Variants in ADGRL3 observed in about 807,000 individuals in gnomAD.
ADGRL3 encodes adhesion G protein-coupled receptor L3, also known as calcium-independent alpha-latrotoxin receptor 3.
Under a neutral mutation model 153.5 loss-of-function variants are expected in ADGRL3, and 62 were observed. That is an observed-to-expected ratio of 0.40 (90% CI 0.33 to 0.50). The LOEUF (loss-of-function observed/expected upper bound fraction) is 0.50, where lower values mean the gene tolerates loss of function less well. Among genes scored for constraint, ADGRL3 ranks in the 20% least tolerant of loss-of-function variants. The pLI is 0.47. For synonymous variants in ADGRL3, 710 were observed against 672.5 expected, an observed-to-expected ratio of 1.06 and a Z score of -0.86; for missense variants, 1,641 against 1,859.4, an observed-to-expected ratio of 0.88 and a Z score of 2.16.
intron 8 of ADGRL3, among the ~76,000 whole-genome samples, chr4:61,770,215 A>G (rs1390025097): frequency 3.3e-5 from 5 of 152,240 alleles, no homozygotes; most frequent in African/African-American, 1.2e-4. Context: ...GTTTACCTAC[A>G]TTTATAGAGG....
intron 1 of ADGRL3, among the ~76,000 whole-genome samples, chr4:61,282,029 A>T (rs2093742082): frequency 6.6e-6 from 1 of 152,144 alleles, no homozygotes; most frequent in East Asian, 1.9e-4. Context: ...TCATTTGGCT[A>T]TCAAGATTCT....
At chr4:61,948,639 A>C (rs1430109851) in intron 17 of ADGRL3, among the ~76,000 whole-genome samples, 1 of 152,242 alleles carries the variant, frequency 6.6e-6, no homozygotes, top group South Asian at 2.1e-4. Context: ...GCGGAAGAAT[A>C]AAGAGCTATG....
rs1299871799 is a variant in ADGRL3 at position 61,257,475 on chromosome 4, G to A, written c.-240+55710G>A. On this transcript the variant is annotated intron_variant, in intron 1 of 26. Transcript: ENST00000683033. ...AATCCTTTGGTAGCAAGTATATGTTGTGTGGGCCAGTGAACCTATTTGTTT... is the reference window on the plus strand; with the variant it reads ...AATCCTTTGGTAGCAAGTATATGTTATGTGGGCCAGTGAACCTATTTGTTT... Among the ~76,000 whole-genome samples, 5 of 152,110 alleles carry A rather than the reference G, an allele frequency of 3.3e-5. No homozygotes were observed. In the East Asian group the frequency reaches 7.7e-4, roughly 23 times the overall value.
At chr4:61,503,504 A>G (rs865945144) in intron 3 of ADGRL3, among the ~76,000 whole-genome samples, 14 of 152,066 alleles carry the variant, frequency 9.2e-5, no homozygotes, top group Middle Eastern at 3.4e-3. Context: ...TTGGATTACT[A>G]TTTACTTTAA....
chr4:61,683,754 C>A (rs2095389443), intron 6 of ADGRL3, among the ~76,000 whole-genome samples: 1 of 152,114 alleles, frequency 6.6e-6, no homozygotes, highest in South Asian at 2.1e-4. Context: ...TTTAAACTGT[C>A]TTTGGCTTGG....
At chr4:61,782,912 T>G (rs2097230935) in intron 8 of ADGRL3, among the ~76,000 whole-genome samples, 2 of 152,106 alleles carry the variant, frequency 1.3e-5, no homozygotes, top group African/African-American at 2.4e-5. Context: ...AATCCATAAT[T>G]GGAAAGAATC....
At chr4:61,478,471 T>A (rs1201674984) in intron 2 of ADGRL3, among the ~76,000 whole-genome samples, 7 of 152,062 alleles carry the variant, frequency 4.6e-5, no homozygotes, top group Non-Finnish European at 7.4e-5. Flanking sequence ...CTAAAATGTA[T>A]TTTTTAATGC....
chr4:61,862,990 G>C (rs1240867074), intron 9 of ADGRL3, among the ~76,000 whole-genome samples: 1 of 152,108 alleles, frequency 6.6e-6, no homozygotes, highest in African/African-American at 2.4e-5. Flanking sequence ...GTAGGCTGGG[G>C]AAACAGTGGT....
intron 11 of ADGRL3, 37 bp from the exon 12 acceptor site, chr4:61,909,523 A>C (rs761522442): frequency 2.1e-6 from 3 of 1,403,684 alleles, no homozygotes; most frequent in South Asian, 1.2e-5. Context: ...TATTTATGTG[A>C]GATCTCTTTC....
chr4:62,029,461 G>A (rs769858125), intron 22 of ADGRL3, among the ~76,000 whole-genome samples: 1 of 151,618 alleles, frequency 6.6e-6, no homozygotes, highest in Non-Finnish European at 1.5e-5. Context: ...ATATATTTCA[G>A]TGTCTGAAAT....
At chr4:61,755,260 C>T (rs916278774) in intron 8 of ADGRL3, among the ~76,000 whole-genome samples, 1 of 151,988 alleles carries the variant, frequency 6.6e-6, no homozygotes, top group African/African-American at 2.4e-5. Context: ...TCCTATTTCT[C>T]TACATCCTCT....
chr4:61,437,239 G>A (rs982888682), intron 2 of ADGRL3, among the ~76,000 whole-genome samples: 4 of 152,012 alleles, frequency 2.6e-5, no homozygotes, highest in Admixed American at 2.6e-4. Context: ...TTGGAAAGTT[G>A]ATTAAACTCC....
At chr4:61,697,325 C>G (rs1008943812) in intron 6 of ADGRL3, among the ~76,000 whole-genome samples, 1 of 151,992 alleles carries the variant, frequency 6.6e-6, no homozygotes, top group Non-Finnish European at 1.5e-5. Flanking sequence ...CTTTGGGAGG[C>G]TGAAGTAGGT....
At chr4:61,889,366 G>T (rs1317636749) in intron 9 of ADGRL3, among the ~76,000 whole-genome samples, 2 of 152,142 alleles carry the variant, frequency 1.3e-5, no homozygotes, top group African/African-American at 4.8e-5. Flanking sequence ...AATTTTCTAT[G>T]GTTTAAAGAA....
At chr4:61,341,801 T>C (rs949646962) in intron 1 of ADGRL3, among the ~76,000 whole-genome samples, 1 of 152,072 alleles carries the variant, frequency 6.6e-6, no homozygotes, top group Non-Finnish European at 1.5e-5. Context: ...ACTTTAAACA[T>C]AGCTGCAGCA....
intron 2 of ADGRL3, among the ~76,000 whole-genome samples, chr4:61,424,393 G>A (rs113966682): frequency 1.2e-3 from 184 of 152,106 alleles, no homozygotes; most frequent in African/African-American, 3.9e-3. Flanking sequence ...TTGCCCACAC[G>A]GTGGCACCCT....
intron 9 of ADGRL3, among the ~76,000 whole-genome samples, chr4:61,871,875 TC>T (rs1241939766): frequency 1.3e-5 from 2 of 152,228 alleles, no homozygotes; most frequent in African/African-American, 2.4e-5. Context: ...TCCCTGTTTA[TC>T]TGTGTGGCTC....
At chr4:61,704,212 A>G (rs1407983691) in intron 6 of ADGRL3, among the ~76,000 whole-genome samples, 1 of 152,202 alleles carries the variant, frequency 6.6e-6, no homozygotes, top group Non-Finnish European at 1.5e-5. Context: ...AGAGTCTCCC[A>G]CTTACCAGTA....
chr4:61,861,975 T>C (rs2098344930), intron 9 of ADGRL3, among the ~76,000 whole-genome samples: 1 of 152,196 alleles, frequency 6.6e-6, no homozygotes, highest in African/African-American at 2.4e-5. Context: ...AAACAGCAAA[T>C]GTTCCAAGAA....
Sources: allele counts gnomAD v4.1 joint callset (sites outside exome capture counted in the v4.1 genomes callset), GRCh38; gene constraint gnomAD v4.1.1; transcripts MANE v1.5; gene names NCBI Gene and HGNC (gene_info 2026-07-23, HGNC 2026-07-21).